APC: variants seen among roughly 807,000 people sequenced by gnomAD.
APC encodes adenomatous polyposis coli protein.
A neutral mutation model predicts 247.0 loss-of-function variants in APC; 72 were observed. That is an observed-to-expected ratio of 0.29 (90% CI 0.24 to 0.35). APC has a LOEUF of 0.35. APC is among the 10% of genes least tolerant of loss of function. The pLI, the probability that APC is intolerant of heterozygous loss-of-function variation, is 1.00. For synonymous variants in APC, 1,254 were observed against 1,162.5 expected, an observed-to-expected ratio of 1.08 and a Z score of -1.60; for missense variants, 3,400 against 3,360.7, an observed-to-expected ratio of 1.01 and a Z score of -0.29.
rs2149932857 is a variant in APC at position 112,840,728 on chromosome 5, G to A, written c.5134G>A (p.Glu1712Lys). 6.2e-7 allele frequency: 1 copy of A among 1,614,108 alleles called. No homozygotes were observed. The highest frequency in any genetic ancestry group is 8.5e-7 in the Non-Finnish European group (1 of 1,179,990). Residue 1712 changes from glutamate (E) to lysine (K), a missense_variant, in exon 16 of 16, where the codon GAA becomes AAA. This residue lies in a region of APC where 1,788 missense variants were observed against 1,649.5 expected (regional missense o/e 1.08). Coordinates refer to ENST00000257430, the MANE Select transcript of APC (RefSeq NM_000038.6). This position sits in a 1 kb window ranked among gnomAD's most constrained non-coding sequence, Gnocchi z 4.1. ...GGKTSSVTIP[E>K]LDDNKAEEGD... Reference sequence around the variant, plus strand: ...AAAAACCTCATCTGTAACCATACCTGAATTGGATGACAATAAAGCAGAGGA... The same window carrying A: ...AAAAACCTCATCTGTAACCATACCTAAATTGGATGACAATAAAGCAGAGGA...
In APC at chr5:112,827,201, C is replaced by T. The variant is rs1390189763; in HGVS notation, c.1502C>T (p.Ala501Val). 1 of 1,613,842 alleles carries T rather than the reference C, an allele frequency of 6.2e-7. No homozygotes were observed. Among genetic ancestry groups the T allele is most frequent in the Non-Finnish European group, 8.5e-7 (1 of 1,179,890 alleles). The change falls in exon 12 of 16, where the codon GCT (alanine) becomes GTT (valine). Residue 501 changes from alanine (A) to valine (V), a missense_variant. Coordinates refer to ENST00000257430, the MANE Select transcript of APC (RefSeq NM_000038.6). Reference protein sequence around the residue: ...DHYSITLRRYAGMALTNLTFG... With the variant: ...DHYSITLRRYVGMALTNLTFG... Reference sequence around the variant, plus strand: ...TACAGTATTACACTAAGACGATATGCTGGAATGGCTTTGACAAACTTGACT... The same window carrying T: ...TACAGTATTACACTAAGACGATATGTTGGAATGGCTTTGACAAACTTGACT...
intron 1 of APC, among the ~76,000 whole-genome samples, chr5:112,716,192 T>G (rs1425642637): frequency 1.3e-5 from 2 of 152,190 alleles, no homozygotes; most frequent in African/African-American, 4.8e-5. Flanking sequence ...TTTTTAAATA[T>G]GTTCATAAAG....
At chr5:112,769,495 G>A (rs1249035743) in intron 4 of APC, among the ~76,000 whole-genome samples, 2 of 149,874 alleles carry the variant, frequency 1.3e-5, no homozygotes, top group Non-Finnish European at 3.0e-5. Context: ...CCAAAATATA[G>A]ATCATTATCA....
chr5:112,765,697 G>C (rs1756216558), intron 2 of APC, among the ~76,000 whole-genome samples: 1 of 152,066 alleles, frequency 6.6e-6, no homozygotes, highest in African/African-American at 2.4e-5. Flanking sequence ...AAATGTAATG[G>C]CAGAAAAACT....
Position 112,838,327 on chromosome 5 carries a change from A to G in APC, c.2733A>G (p.Glu911=). The part of the protein sequence containing the change: ...QEDRSSGSTT[E]LHCVTDERNA... ...ACAGAAGTTCTGGGTCTACCACTGAATTACATTGTGTGACAGATGAGAGAA... is the reference window on the plus strand; with the variant it reads ...ACAGAAGTTCTGGGTCTACCACTGAGTTACATTGTGTGACAGATGAGAGAA... Residue 911 remains glutamate, a synonymous_variant, in exon 16 of 16, where the codon GAA becomes GAG. Transcript: ENST00000257430. 1 of 1,614,214 alleles carries G rather than the reference A, an allele frequency of 6.2e-7. No homozygotes were observed. Among genetic ancestry groups the G allele is most frequent in the Non-Finnish European group, 8.5e-7 (1 of 1,180,038 alleles).
chr5:112,831,575 C>G (rs1422306156), intron 14 of APC, among the ~76,000 whole-genome samples: 3 of 152,156 alleles, frequency 2.0e-5, no homozygotes, highest in Non-Finnish European at 4.4e-5. Flanking sequence ...TCCCTCTCAA[C>G]TTCAGCTACT....
Position 112,829,427 on chromosome 5 carries a change from C to T in APC, c.1743+455C>T, listed in dbSNP as rs554885554. 8.1e-5 allele frequency: 14 copies of T among 172,352 alleles called. No individual in the cohort carries two copies. The South Asian group carries it at 8.3e-4, about 10-fold the overall frequency. 10.7% of individuals were successfully genotyped at this position (172,352 alleles called of 1,614,324 possible). ...CTGGGATTATAGGCGCAAGCCATCA[C>T]GCCCAGCCTAGATTCCCTAATTTCT... is the stretch of plus-strand genomic sequence containing the variant. On this transcript the variant is annotated intron_variant, in intron 14 of 15. Coordinates refer to ENST00000257430, the MANE Select transcript of APC (RefSeq NM_000038.6).
rs772745309 is a variant in APC at position 112,834,947 on chromosome 5, C to T, written c.1744-4C>T. On this transcript the variant is annotated splice_polypyrimidine_tract_variant and splice_region_variant and intron_variant, in intron 14 of 15. Transcript: ENST00000257430. Reference sequence around the variant, plus strand: ...TAGATGACCCATATTCTGTTTCTTACTAGGAATCAACCCTCAAAAGCGTAT... The same window carrying T: ...TAGATGACCCATATTCTGTTTCTTATTAGGAATCAACCCTCAAAAGCGTAT... The T allele has an allele frequency of 6.2e-7, 1 of 1,613,200 alleles. No homozygotes were observed. Among genetic ancestry groups the T allele is most frequent in the Admixed American group, 1.7e-5 (1 of 60,000 alleles).
At chr5:112,735,098 A>C (rs1399778702), upstream of APC, among the ~76,000 whole-genome samples, 1 of 152,194 alleles carries the variant, frequency 6.6e-6, no homozygotes, top group African/African-American at 2.4e-5. Flanking sequence ...ACAAACACTG[A>C]TACTGAAAAT....
intron 2 of APC, among the ~76,000 whole-genome samples, chr5:112,761,411 A>C (rs1755655868): frequency 6.6e-6 from 1 of 152,240 alleles, no homozygotes; most frequent in Admixed American, 6.5e-5. Flanking sequence ...ACAGATAGAA[A>C]ATTTTGACAG....
chr5:112,798,791 G>A (rs1229295391), intron 7 of APC, among the ~76,000 whole-genome samples: 9 of 152,182 alleles, frequency 5.9e-5, no homozygotes, highest in Non-Finnish European at 8.8e-5. Flanking sequence ...GATAGTAAAT[G>A]TTAAATGGTA....
exon 1 of APC, chr5:112,707,684 C>G (rs1376128351): frequency 7.3e-7 from 1 of 1,370,442 alleles, no homozygotes; most frequent in African/African-American, 1.4e-5. Flanking sequence ...GAAGGTGAAG[C>G]ACTCAGTTGC....
chr5:112,732,042 A>G (rs1752128062), intron 1 of APC, among the ~76,000 whole-genome samples: 1 of 152,232 alleles, frequency 6.6e-6, no homozygotes, highest in African/African-American at 2.4e-5. Flanking sequence ...GGTTACAGGC[A>G]TGAGCCATTG....
intron 1 of APC, among the ~76,000 whole-genome samples, chr5:112,722,140 G>A (rs909289123): frequency 2.6e-5 from 4 of 152,194 alleles, no homozygotes; most frequent in African/African-American, 7.2e-5. Flanking sequence ...ATTTATTGAA[G>A]AGTTTGAAGT....
rs2149640582 is a variant in APC, at chr5:112,780,871, G to C, written c.613G>C (p.Gly205Arg). The C allele has an allele frequency of 6.2e-7, 1 of 1,612,586 alleles. No homozygotes were observed. Among genetic ancestry groups the C allele is most frequent in the Non-Finnish European group, 8.5e-7 (1 of 1,178,890 alleles). ...CAGAGTTGCGATGGAAGAACAACTAGGTACCTGCCAGGATATGGAAAAACG... is the reference window on the plus strand; with the variant it reads ...CAGAGTTGCGATGGAAGAACAACTACGTACCTGCCAGGATATGGAAAAACG... ...QIRVAMEEQL[G>R]TCQDMEKRAQ... Residue 205 changes from glycine (G) to arginine (R), a missense_variant, in exon 6 of 16, where the codon GGT (glycine) becomes CGT (arginine). Around this residue, in one of 9 missense-constraint regions of APC, gnomAD observed 372 missense variants for 367.6 expected, o/e 1.01. Coordinates refer to ENST00000257430, the MANE Select transcript of APC (RefSeq NM_000038.6).
At chr5:112,710,130 T>C (rs1750766393) in intron 1 of APC, among the ~76,000 whole-genome samples, 1 of 152,186 alleles carries the variant, frequency 6.6e-6, no homozygotes, top group Admixed American at 6.5e-5. Context: ...TAGACTTACC[T>C]TTCTAGTCCC....
At chr5:112,734,737 C>T (rs78036520), upstream of APC, among the ~76,000 whole-genome samples, 1 of 150,998 alleles carries the variant, frequency 6.6e-6, no homozygotes. Context: ...TTAAATTAGG[C>T]CAAAAGTGCC....
chr5:112,769,017 G>C (rs1756703534), intron 4 of APC, among the ~76,000 whole-genome samples: 1 of 125,780 alleles, frequency 8.0e-6, no homozygotes, highest in South Asian at 2.7e-4. Context: ...TTTTACTTCT[G>C]TTAGTAAAAA....
At chr5:112,760,174 G>T (rs1227621299) in intron 2 of APC, among the ~76,000 whole-genome samples, 1 of 152,122 alleles carries the variant, frequency 6.6e-6, no homozygotes, top group Non-Finnish European at 1.5e-5. Context: ...CTGGGAGAAA[G>T]AAACTCTTGA....
Sources: gnomAD v4.1 joint callset for allele counts (sites outside exome capture counted in the v4.1 genomes callset) on GRCh38, gnomAD v4.1.1 for gene constraint, gnomAD v4.1.1 regional missense constraint, Gnocchi (gnomAD v3.1) non-coding constraint, MANE v1.5 for transcripts, NCBI Gene and HGNC (gene_info 2026-07-23, HGNC 2026-07-21) for gene names.